KLF12: variants seen among roughly 807,000 people sequenced by gnomAD.
KLF12 encodes KLF transcription factor 12.
KLF12 carries 9 observed loss-of-function variants against 37.8 expected under a neutral mutation model. The observed-to-expected ratio is 0.24, with a 90% CI of 0.14 to 0.42. The LOEUF (loss-of-function observed/expected upper bound fraction) is 0.42, where lower values mean the gene tolerates loss of function less well. Ranked by LOEUF, KLF12 falls within the 10% of genes least tolerant of loss-of-function variation. The pLI, the probability that KLF12 is intolerant of heterozygous loss-of-function variation, is 1.00. For missense variants in KLF12, 411 were observed against 516.0 expected (o/e 0.80, Z 1.97); for synonymous variants, 208 against 202.1 (o/e 1.03, Z -0.25).
At chr13:73,876,565 G>A (rs1886714150) in intron 3 of KLF12, among the ~76,000 whole-genome samples, 1 of 152,146 alleles carries the variant, frequency 6.6e-6, no homozygotes, top group African/African-American at 2.4e-5. Context: ...ACTCTTGGGG[G>A]CCAGCCAGAA....
chr13:74,078,986 A>C (rs561951277), intron 1 of KLF12, among the ~76,000 whole-genome samples: 1 of 152,338 alleles, frequency 6.6e-6, no homozygotes, highest in East Asian at 1.9e-4. Context: ...GTTTAAAAGC[A>C]GGTCAGGAGA....
chr13:74,025,372 T>C (rs1892948149), intron 1 of KLF12, among the ~76,000 whole-genome samples: 1 of 152,040 alleles, frequency 6.6e-6, no homozygotes, highest in Admixed American at 6.6e-5. Context: ...GCAAATGTCA[T>C]TGCTTCCCAA....
chr13:74,203,431 TA>T, the KLF12 span, among the ~76,000 whole-genome samples: 1 of 151,882 alleles, frequency 6.6e-6, no homozygotes, highest in Non-Finnish European at 1.5e-5. Context: ...ACATGAAGAG[TA>T]AAAAATCAAG....
chr13:74,216,644 C>T, the KLF12 span, among the ~76,000 whole-genome samples: 1 of 152,160 alleles, frequency 6.6e-6, no homozygotes, highest in Admixed American at 6.5e-5. Context: ...AAAGGAGTGA[C>T]TGAACTATTA....
At chr13:73,746,977 G>T (rs1878415606) in intron 6 of KLF12, among the ~76,000 whole-genome samples, 1 of 151,860 alleles carries the variant, frequency 6.6e-6, no homozygotes, top group Non-Finnish European at 1.5e-5. Flanking sequence ...ACCACACCTG[G>T]CTAATTTTTT....
chr13:73,771,801 A>C (rs1487985491), intron 5 of KLF12, among the ~76,000 whole-genome samples: 1 of 152,234 alleles, frequency 6.6e-6, no homozygotes, highest in South Asian at 2.1e-4. Flanking sequence ...ATGAATTCAA[A>C]CTGTGAAATA....
chr13:74,075,607 A>C (rs1167802601), intron 1 of KLF12, among the ~76,000 whole-genome samples: 1 of 152,230 alleles, frequency 6.6e-6, no homozygotes, highest in African/African-American at 2.4e-5. Flanking sequence ...TTTTCTGCCT[A>C]TATTCCACTG....
chr13:73,716,674 T>C (rs185063825), intron 6 of KLF12, among the ~76,000 whole-genome samples: 1 of 151,068 alleles, frequency 6.6e-6, no homozygotes, highest in East Asian at 2.0e-4. Flanking sequence ...CAGACATTCA[T>C]TTTTTTTGTG....
intron 1 of KLF12, among the ~76,000 whole-genome samples, chr13:74,007,825 C>T (rs1223474943): frequency 6.6e-6 from 1 of 151,094 alleles, no homozygotes; most frequent in African/African-American, 2.4e-5. Context: ...ACATTTATAC[C>T]TGGAAATTTA....
At chr13:73,961,541 G>A (rs184155840) in intron 2 of KLF12, among the ~76,000 whole-genome samples, 6 of 152,190 alleles carry the variant, frequency 3.9e-5, no homozygotes, top group Admixed American at 6.5e-5. Flanking sequence ...TGTAATTGAC[G>A]GATTGCTAGG....
At chr13:74,094,897 G>A (rs989170337) in intron 1 of KLF12, among the ~76,000 whole-genome samples, 4 of 152,118 alleles carry the variant, frequency 2.6e-5, no homozygotes, top group African/African-American at 7.2e-5. Flanking sequence ...ACCACGCCTG[G>A]CCTCTTTTAT....
chr13:74,066,747 A>G (rs967763575), intron 1 of KLF12, among the ~76,000 whole-genome samples: 5 of 152,198 alleles, frequency 3.3e-5, no homozygotes, highest in Admixed American at 2.0e-4. Context: ...TTTGCTTAAC[A>G]TTTAAATATC....
At chr13:74,164,766 G>A in the KLF12 span, among the ~76,000 whole-genome samples, 1 of 152,144 alleles carries the variant, frequency 6.6e-6, no homozygotes, top group African/African-American at 2.4e-5. Context: ...ATCATCCAGT[G>A]GAACTGGAGG....
rs1873800436 is a variant in KLF12, at chr13:73,691,154, T to C, written c.*4336A>G. ...TTTAAAAAAGTTCTTTGCTGATATT[T>C]GTTAGCCCACTGGCTGCTGCATATA... On this transcript the variant is annotated 3_prime_UTR_variant, in exon 8 of 8. Transcript: ENST00000377669. 1 of 152,684 alleles carries C rather than the reference T, an allele frequency of 6.5e-6. No individual in the cohort carries two copies. The highest frequency in any genetic ancestry group is 1.5e-5 in the Non-Finnish European group (1 of 68,044). The allele number at this position is 152,684 out of a possible 1,614,324, so 9.5% of individuals were successfully genotyped here. A position where few individuals can be genotyped will look rare whatever the true frequency, so the allele number is the denominator to read the frequency against.
At chr13:73,716,406 T>C (rs904850974) in intron 6 of KLF12, among the ~76,000 whole-genome samples, 3 of 152,244 alleles carry the variant, frequency 2.0e-5, no homozygotes, top group African/African-American at 7.2e-5. Flanking sequence ...ATTTCTACTC[T>C]ACAAAATGTA....
chr13:73,754,702 G>A (rs569295942), intron 6 of KLF12, among the ~76,000 whole-genome samples: 40 of 152,154 alleles, frequency 2.6e-4, no homozygotes, highest in African/African-American at 9.2e-4. Flanking sequence ...ACCCACCCAG[G>A]TCACCAAAAT....
At chr13:73,790,225 T>C (rs537715498) in intron 5 of KLF12, among the ~76,000 whole-genome samples, 9 of 152,224 alleles carry the variant, frequency 5.9e-5, no homozygotes, top group Non-Finnish European at 1.0e-4. Context: ...AGGTTGCAAA[T>C]GTCTATGTCT....
intron 1 of KLF12, among the ~76,000 whole-genome samples, chr13:74,083,346 G>A (rs1875035109): frequency 6.6e-6 from 1 of 152,078 alleles, no homozygotes; most frequent in Admixed American, 6.6e-5. Flanking sequence ...TGTCTAAAAA[G>A]TGCAGAAAAA....
chr13:73,709,287 G>A (rs528776457), intron 7 of KLF12, among the ~76,000 whole-genome samples: 1 of 152,250 alleles, frequency 6.6e-6, no homozygotes, highest in Admixed American at 6.5e-5. Context: ...AAGCATTAAA[G>A]GCAAAATTAA....
Sources: gnomAD v4.1 joint callset for allele counts (sites outside exome capture counted in the v4.1 genomes callset) on GRCh38, gnomAD v4.1.1 for gene constraint, MANE v1.5 for transcripts, NCBI Gene and HGNC (gene_info 2026-07-23, HGNC 2026-07-21) for gene names.